The following PTGFR variants were observed in gnomAD, a reference collection of about 807,000 sequenced individuals.
PTGFR encodes prostaglandin F2-alpha receptor.
A neutral mutation model predicts 26.2 loss-of-function variants in PTGFR; 15 were observed. The observed-to-expected ratio is 0.57, with a 90% confidence interval of 0.38 to 0.88. PTGFR has a LOEUF of 0.88. PTGFR is among the 40% of genes least tolerant of loss of function. PTGFR has a pLI of 0.00. For synonymous variants in PTGFR, 165 were observed against 151.1 expected, an observed-to-expected ratio of 1.09 and a Z score of -0.68; for missense variants, 369 against 427.2, an observed-to-expected ratio of 0.86 and a Z score of 1.20.
intron 2 of PTGFR, among the ~76,000 whole-genome samples, chr1:78,510,647 G>A (rs1237835420): frequency 6.6e-6 from 1 of 151,988 alleles, no homozygotes; most frequent in African/African-American, 2.4e-5. Context: ...TTCCATCCCT[G>A]GCCCCCCCAA....
At chr1:78,526,486 A>G (rs1269858151) in intron 2 of PTGFR, among the ~76,000 whole-genome samples, 2 of 152,118 alleles carry the variant, frequency 1.3e-5, no homozygotes. Flanking sequence ...CCATAGCCAC[A>G]GACATCCAGG....
chr1:78,535,272 A>G (rs143386585), intron 2 of PTGFR, among the ~76,000 whole-genome samples: 300 of 152,280 alleles, frequency 2.0e-3, no homozygotes, highest in African/African-American at 6.8e-3. Flanking sequence ...GTTGTATCAT[A>G]CGGAATTTGC....
chr1:78,495,905 T>TC (rs1649536563), intron 2 of PTGFR, among the ~76,000 whole-genome samples: 1 of 152,248 alleles, frequency 6.6e-6, no homozygotes. Context: ...TTTTCTGAGG[T>TC]CCACTTTCTC....
chr1:78,509,232 C>T (rs1490496925), intron 2 of PTGFR, among the ~76,000 whole-genome samples: 1 of 152,130 alleles, frequency 6.6e-6, no homozygotes. Context: ...AGGAGGTAGG[C>T]CCATTCTGCC....
At chr1:78,519,919 T>C (rs1650182786) in intron 2 of PTGFR, among the ~76,000 whole-genome samples, 1 of 152,186 alleles carries the variant, frequency 6.6e-6, no homozygotes, top group South Asian at 2.1e-4. Flanking sequence ...GACTTAATTG[T>C]TGATTTATAA....
chr1:78,528,670 C>A (rs914235483), intron 2 of PTGFR, among the ~76,000 whole-genome samples: 2 of 152,112 alleles, frequency 1.3e-5, no homozygotes, highest in African/African-American at 4.8e-5. Context: ...TTTGAAAGGA[C>A]ACTCTTCTCA....
intron 2 of PTGFR, among the ~76,000 whole-genome samples, chr1:78,498,605 G>A (rs1361948129): frequency 6.6e-6 from 1 of 152,066 alleles, no homozygotes; most frequent in Non-Finnish European, 1.5e-5. Flanking sequence ...TAGATACTGT[G>A]TTCACTGCTT....
chr1:78,508,406 T>C (rs1649877010), intron 2 of PTGFR, among the ~76,000 whole-genome samples: 3 of 152,274 alleles, frequency 2.0e-5, no homozygotes, highest in African/African-American at 4.8e-5. Flanking sequence ...TTTTCATGAG[T>C]ATTACTGTAG....
intron 2 of PTGFR, among the ~76,000 whole-genome samples, chr1:78,515,209 C>G (rs1178053574): frequency 2.6e-5 from 4 of 152,090 alleles, no homozygotes; most frequent in African/African-American, 4.8e-5. Flanking sequence ...GTGTGGGAAA[C>G]AGTCAGGAGG....
At chr1:78,529,750 A>G (rs1650459002) in intron 2 of PTGFR, among the ~76,000 whole-genome samples, 1 of 152,130 alleles carries the variant, frequency 6.6e-6, no homozygotes, top group Admixed American at 6.6e-5. Context: ...GGGGTCCCCA[A>G]CCCCCAGGCC....
At chr1:78,512,346 G>A (rs1315913377) in intron 2 of PTGFR, among the ~76,000 whole-genome samples, 1 of 152,144 alleles carries the variant, frequency 6.6e-6, no homozygotes, top group Non-Finnish European at 1.5e-5. Context: ...AGGTTGAATT[G>A]GCTCATGGTT....
intron 2 of PTGFR, among the ~76,000 whole-genome samples, chr1:78,527,008 C>T (rs1650389885): frequency 1.3e-5 from 2 of 152,094 alleles, no homozygotes; most frequent in East Asian, 3.9e-4. Context: ...ACCACTTTGA[C>T]ACATTCTCAA....
At chr1:78,517,688 A>G (rs1650122498) in intron 2 of PTGFR, among the ~76,000 whole-genome samples, 1 of 152,122 alleles carries the variant, frequency 6.6e-6, no homozygotes, top group African/African-American at 2.4e-5. Flanking sequence ...GAGGACACAG[A>G]AGAAGGTAGG....
intron 2 of PTGFR, among the ~76,000 whole-genome samples, chr1:78,528,111 A>G (rs1296817306): frequency 6.6e-6 from 1 of 151,970 alleles, no homozygotes; most frequent in Admixed American, 6.6e-5. Flanking sequence ...ATGTATTCAA[A>G]AGGCTGAAAA....
chr1:78,492,891 A>T lies in PTGFR; in HGVS notation c.148A>T (p.Ile50Phe). ...CTTGTCAAACAGCCTTGCCATCGCC[A>T]TTCTCATGAAGGCATATCAGAGATT... Reference protein sequence around the residue: ...GILSNSLAIAILMKAYQRFRQ... With the variant: ...GILSNSLAIAFLMKAYQRFRQ... The change falls in exon 2 of 3, where the codon ATT becomes TTT. Residue 50 changes from isoleucine to phenylalanine, a missense_variant. Transcript: ENST00000370757. 1 of 1,614,244 alleles carries T rather than the reference A, an allele frequency of 6.2e-7. No homozygotes were observed. Among genetic ancestry groups the T allele is most frequent in the Non-Finnish European group, 8.5e-7 (1 of 1,180,036 alleles).
At chr1:78,511,734 G>A (rs1193663856) in intron 2 of PTGFR, among the ~76,000 whole-genome samples, 1 of 152,092 alleles carries the variant, frequency 6.6e-6, no homozygotes, top group Non-Finnish European at 1.5e-5. Context: ...CCTGAAAAAT[G>A]CTTTTTTTCT....
chr1:78,526,016 G>A (rs747219320), intron 2 of PTGFR, among the ~76,000 whole-genome samples: 8 of 152,058 alleles, frequency 5.3e-5, no homozygotes, highest in Non-Finnish European at 8.8e-5. Flanking sequence ...CATAATGATC[G>A]TACCAAGGAA....
At chr1:78,526,401 T>A (rs1480119250) in intron 2 of PTGFR, among the ~76,000 whole-genome samples, 1 of 152,028 alleles carries the variant, frequency 6.6e-6, no homozygotes, top group Non-Finnish European at 1.5e-5. Context: ...ATGTTTGGTG[T>A]CATTCATCAG....
chr1:78,531,776 G>A (rs622346), intron 2 of PTGFR, among the ~76,000 whole-genome samples: 1 of 151,774 alleles, frequency 6.6e-6, no homozygotes, highest in Non-Finnish European at 1.5e-5. Flanking sequence ...CCCAACTCAA[G>A]TGTAGGAGTC....
Sources: allele counts gnomAD v4.1 joint callset (sites outside exome capture counted in the v4.1 genomes callset), GRCh38; gene constraint gnomAD v4.1.1; transcripts MANE v1.5; gene names NCBI Gene and HGNC (gene_info 2026-07-23, HGNC 2026-07-21).